Variants in RIMS2 observed in about 807,000 individuals in gnomAD.
RIMS2 encodes regulating synaptic membrane exocytosis 2.
Under a neutral mutation model 174.4 loss-of-function variants are expected in RIMS2, and 59 were observed. The observed-to-expected ratio is 0.34, with a 90% CI of 0.27 to 0.42. RIMS2 has a LOEUF of 0.42. Among genes scored for constraint, RIMS2 ranks in the 10% least tolerant of loss-of-function variants. The pLI is 1.00. For synonymous variants in RIMS2, 606 were observed against 572.5 expected (o/e 1.06, Z -0.84); for missense variants, 1,620 against 1,666.3 (o/e 0.97, Z 0.48).
At chr8:103,927,735 T>C (rs1002594976) in intron 10 of RIMS2, 2 of 720,332 alleles carry the variant, frequency 2.8e-6, no homozygotes, top group African/African-American at 1.8e-5. Context: ...AAAATTGTAT[T>C]TAAGGGATAG....
At chr8:103,742,780 C>T (rs1339356540) in intron 2 of RIMS2, among the ~76,000 whole-genome samples, 1 of 152,104 alleles carries the variant, frequency 6.6e-6, no homozygotes, top group East Asian at 1.9e-4. Context: ...AACGATGCCT[C>T]AAGGGCAGAA....
intron 19 of RIMS2, among the ~76,000 whole-genome samples, chr8:104,082,387 G>A (rs146300022): frequency 8.1e-4 from 123 of 152,202 alleles, no homozygotes; most frequent in African/African-American, 2.8e-3. Flanking sequence ...AAAAATACAC[G>A]TACAAAGGAA....
intron 17 of RIMS2, among the ~76,000 whole-genome samples, chr8:104,009,961 G>T (rs1307570224): frequency 6.6e-6 from 1 of 151,344 alleles, no homozygotes; most frequent in African/African-American, 2.4e-5. Context: ...ATCTGGAGTT[G>T]TATCATTGTG....
chr8:104,203,438 A>C (rs2099064421), intron 19 of RIMS2, among the ~76,000 whole-genome samples: 1 of 151,448 alleles, frequency 6.6e-6, no homozygotes, highest in East Asian at 1.9e-4. Flanking sequence ...ATTTAAAACC[A>C]ATTGAATTTT....
chr8:103,719,401 A>G (rs542808080), intron 2 of RIMS2, among the ~76,000 whole-genome samples: 1 of 152,222 alleles, frequency 6.6e-6, no homozygotes, highest in Non-Finnish European at 1.5e-5. Flanking sequence ...GAAGCCATAC[A>G]AACATCTAGA....
chr8:103,623,395 T>C (rs894908041), intron 1 of RIMS2, among the ~76,000 whole-genome samples: 2 of 151,960 alleles, frequency 1.3e-5, no homozygotes, highest in Non-Finnish European at 2.9e-5. Context: ...AAATATGTAG[T>C]ATGTGTGGCA....
intron 12 of RIMS2, among the ~76,000 whole-genome samples, chr8:103,934,344 G>C (rs556623109): frequency 6.6e-6 from 1 of 152,002 alleles, no homozygotes; most frequent in Non-Finnish European, 1.5e-5. Context: ...TGATCTTAGT[G>C]TTTAAATATT....
chr8:103,584,816 A>C (rs2093816681), intron 1 of RIMS2, among the ~76,000 whole-genome samples: 2 of 152,226 alleles, frequency 1.3e-5, no homozygotes, highest in Admixed American at 1.3e-4. Context: ...AATTAAAGAA[A>C]GAAGGAAGAG....
At chr8:103,611,694 A>G (rs1340089473) in intron 1 of RIMS2, among the ~76,000 whole-genome samples, 2 of 151,216 alleles carry the variant, frequency 1.3e-5, no homozygotes, top group East Asian at 3.9e-4. Flanking sequence ...TCCTGCTTTT[A>G]GGATCCTTTC....
intron 2 of RIMS2, among the ~76,000 whole-genome samples, chr8:103,748,183 T>C (rs960835318): frequency 2.0e-5 from 3 of 152,124 alleles, no homozygotes; most frequent in African/African-American, 7.2e-5. Context: ...GGCTCACACC[T>C]GTAATCCCAG....
intron 3 of RIMS2, among the ~76,000 whole-genome samples, chr8:103,838,310 T>A (rs2098916748): frequency 6.6e-6 from 1 of 152,138 alleles, no homozygotes; most frequent in Admixed American, 6.5e-5. Flanking sequence ...GGAATCCTTC[T>A]CACTTCCTTT....
chr8:104,195,325 T>C (rs78963036), intron 19 of RIMS2, among the ~76,000 whole-genome samples: 150 of 152,206 alleles, frequency 9.9e-4, no homozygotes, highest in African/African-American at 3.2e-3. Context: ...ACTGAGTGAA[T>C]AAATGGTGCT....
chr8:103,794,550 T>A (rs988535402), intron 3 of RIMS2, among the ~76,000 whole-genome samples: 30 of 152,164 alleles, frequency 2.0e-4, no homozygotes, highest in Admixed American at 7.2e-4. Flanking sequence ...AAAACACCAA[T>A]GGCAATGGCA....
chr8:103,863,995 G>A (rs563027250), intron 3 of RIMS2, among the ~76,000 whole-genome samples: 7 of 150,682 alleles, frequency 4.6e-5, no homozygotes, highest in South Asian at 2.1e-4. Flanking sequence ...TGCAACCTCC[G>A]CCTCCTGGGT....
intron 1 of RIMS2, among the ~76,000 whole-genome samples, chr8:103,586,081 G>A (rs1465808394): frequency 6.6e-6 from 1 of 152,092 alleles, no homozygotes; most frequent in Non-Finnish European, 1.5e-5. Flanking sequence ...AAAAACTGGA[G>A]CAACCAGATA....
intron 1 of RIMS2, among the ~76,000 whole-genome samples, chr8:103,560,605 C>G (rs1186960956): frequency 6.6e-6 from 1 of 152,120 alleles, no homozygotes; most frequent in Non-Finnish European, 1.5e-5. Context: ...AAAGGTAGCT[C>G]ATATAATAAT....
intron 1 of RIMS2, among the ~76,000 whole-genome samples, chr8:103,544,524 C>G (rs1844065404): frequency 6.6e-6 from 1 of 152,206 alleles, no homozygotes; most frequent in South Asian, 2.1e-4. Flanking sequence ...ACCTAGATGG[C>G]AGGGCAGGCA....
intron 19 of RIMS2, among the ~76,000 whole-genome samples, chr8:104,076,949 T>C (rs541772857): frequency 7.9e-5 from 12 of 152,044 alleles, no homozygotes; most frequent in East Asian, 5.8e-4. Flanking sequence ...CCCGAGTAAC[T>C]GGGATTACAG....
intron 3 of RIMS2, among the ~76,000 whole-genome samples, chr8:103,803,434 G>T (rs1046211917): frequency 1.3e-5 from 2 of 151,752 alleles, no homozygotes; most frequent in South Asian, 2.1e-4. Flanking sequence ...TGTTTATGTG[G>T]ATTATATTTA....
Sources: gnomAD v4.1 joint callset for allele counts (sites outside exome capture counted in the v4.1 genomes callset) on GRCh38, gnomAD v4.1.1 for gene constraint, MANE v1.5 for transcripts, NCBI Gene and HGNC (gene_info 2026-07-23, HGNC 2026-07-21) for gene names.